PSMG2: variants seen among roughly 807,000 people sequenced by gnomAD.
PSMG2 encodes the protein CD40 ligand-activated specific transcript 3.
A neutral mutation model predicts 31.5 loss-of-function variants in PSMG2; 21 were observed. The ratio of observed to expected loss-of-function variants is 0.67; its 90% CI spans 0.47 to 0.96. PSMG2 has a LOEUF of 0.96. Among genes scored for constraint, PSMG2 ranks in the 40% least tolerant of loss-of-function variants. PSMG2 has a pLI of 0.00. For synonymous variants in PSMG2, 120 were observed against 110.4 expected, an observed-to-expected ratio of 1.09 and a Z score of -0.54; for missense variants, 318 against 321.2, an observed-to-expected ratio of 0.99 and a Z score of 0.08.
intron 1 of PSMG2, among the ~76,000 whole-genome samples, chr18:12,667,033 CCAAA>C (rs951726778): frequency 5.9e-5 from 9 of 151,296 alleles, no homozygotes; most frequent in East Asian, 1.9e-4. Flanking sequence ...ACAACAACAA[CCAAA>C]CAAAAATAAG....
chr18:12,697,386 A>G, intron 1 of PSMG2: 1 of 1,610,938 alleles, frequency 6.2e-7, no homozygotes. Context: ...TTGTTGTTGA[A>G]TCAGCCATTC....
chr18:12,723,684 G>A (rs565312518), intron 5 of PSMG2, among the ~76,000 whole-genome samples: 5 of 152,082 alleles, frequency 3.3e-5, no homozygotes, highest in Non-Finnish European at 7.4e-5. Flanking sequence ...GAGCCAGCGC[G>A]CCCAGCCTGT....
At chr18:12,696,346 T>C (rs2039957223) in intron 1 of PSMG2, among the ~76,000 whole-genome samples, 1 of 151,950 alleles carries the variant, frequency 6.6e-6, no homozygotes, top group East Asian at 1.9e-4. Flanking sequence ...CTACTAAAAA[T>C]ACAAAAATTA....
chr18:12,708,574 G>A (rs2040293198), intron 2 of PSMG2, among the ~76,000 whole-genome samples: 1 of 151,808 alleles, frequency 6.6e-6, no homozygotes, highest in South Asian at 2.1e-4. Flanking sequence ...ATGTTGGTCA[G>A]GCTGGTCTTG....
intron 3 of PSMG2, among the ~76,000 whole-genome samples, chr18:12,716,380 T>A (rs1002186861): frequency 1.3e-5 from 2 of 151,188 alleles, no homozygotes; most frequent in South Asian, 4.2e-4. Context: ...CAGCTGGAAG[T>A]AAAGAGTGAA....
At chr18:12,678,078 A>G in intron 1 of PSMG2, 1 of 1,539,616 alleles carries the variant, frequency 6.5e-7, no homozygotes, top group Non-Finnish European at 8.9e-7. Context: ...GAAAAGAAGT[A>G]TGAAACTACA....
Position 12,725,708 on chromosome 18 carries a change from AT to A in PSMG2, c.*181del. 2.3e-6 allele frequency: 1 copy of A among 434,626 alleles called. No individual in the cohort carries two copies. The highest frequency in any genetic ancestry group is 4.0e-6 in the Non-Finnish European group (1 of 248,956). The allele number at this position is 434,626 out of a possible 1,614,324, so 26.9% of individuals were successfully genotyped here. On this transcript the variant is annotated 3_prime_UTR_variant, in exon 7 of 7. Transcript: ENST00000317615. ...TTTTCATCATATGCACCAAATGTAA[AT>A]TTTGTACAATAAAATTTTATTTCCT...
intron 1 of PSMG2, among the ~76,000 whole-genome samples, chr18:12,696,152 G>T (rs1163315186): frequency 6.6e-6 from 1 of 152,040 alleles, no homozygotes; most frequent in African/African-American, 2.4e-5. Flanking sequence ...CTTACATAAA[G>T]GACACTTTTT....
chr18:12,699,236 G>A (rs1364008081), upstream of PSMG2: 1 of 1,387,564 alleles, frequency 7.2e-7, no homozygotes, highest in African/African-American at 1.4e-5. Flanking sequence ...TGAGGAAACT[G>A]CCAAATAACT....
upstream of PSMG2, chr18:12,702,285 C>T (rs893324168): frequency 5.5e-6 from 3 of 550,402 alleles, no homozygotes; most frequent in East Asian, 6.6e-5. Context: ...CTTGCTAGCA[C>T]CTGCTCGGCT....
At chr18:12,677,911 A>G (rs1286440689) in intron 1 of PSMG2, among the ~76,000 whole-genome samples, 1 of 152,208 alleles carries the variant, frequency 6.6e-6, no homozygotes, top group Non-Finnish European at 1.5e-5. Flanking sequence ...TTCTATAAGT[A>G]TTAATTAATT....
At chr18:12,698,286 T>C (rs968254821), upstream of PSMG2, among the ~76,000 whole-genome samples, 1 of 152,022 alleles carries the variant, frequency 6.6e-6, no homozygotes, top group Admixed American at 6.6e-5. Flanking sequence ...TGGAGTGCAA[T>C]GGGGTGATCT....
At chr18:12,721,707 CTCTATTAT>C (rs935705664) in intron 5 of PSMG2, among the ~76,000 whole-genome samples, 7 of 150,574 alleles carry the variant, frequency 4.6e-5, no homozygotes, top group Non-Finnish European at 1.0e-4. Context: ...TTTTTCTATT[CTCTATTAT>C]TCTATTATTC....
At chr18:12,687,478 CAG>C (rs1376245756) in intron 1 of PSMG2, among the ~76,000 whole-genome samples, 2 of 139,192 alleles carry the variant, frequency 1.4e-5, no homozygotes, top group South Asian at 2.3e-4. Context: ...TTTTTTGAGA[CAG>C]AGTCTCGCTG....
intron 2 of PSMG2, among the ~76,000 whole-genome samples, chr18:12,711,357 C>T (rs535260142): frequency 6.6e-6 from 1 of 152,306 alleles, no homozygotes; most frequent in Non-Finnish European, 1.5e-5. Context: ...AAAGCTTAGC[C>T]TGTCCACCCC....
chr18:12,678,753 C>T (rs1459039557), intron 1 of PSMG2, among the ~76,000 whole-genome samples: 1 of 151,906 alleles, frequency 6.6e-6, no homozygotes. Context: ...GTCAAGAGTT[C>T]GAGACTAACC....
upstream of PSMG2, chr18:12,701,197 C>T (rs890206269): frequency 4.3e-6 from 4 of 937,720 alleles, no homozygotes; most frequent in African/African-American, 3.3e-5. Context: ...CTCCAGCTAA[C>T]AGTAAATGCA....
At chr18:12,717,831 GACC>G (rs1224489321) in intron 3 of PSMG2, among the ~76,000 whole-genome samples, 1 of 152,048 alleles carries the variant, frequency 6.6e-6, no homozygotes, top group Non-Finnish European at 1.5e-5. Flanking sequence ...GTTTCCATGT[GACC>G]AGATTCGGGT....
upstream of PSMG2, chr18:12,699,197 A>G (rs763465512): frequency 1.6e-5 from 26 of 1,609,080 alleles, no homozygotes; most frequent in Admixed American, 1.2e-4. Context: ...TGTTGGATCA[A>G]TATTAGCTGT....
Sources: gnomAD v4.1 joint callset for allele counts (sites outside exome capture counted in the v4.1 genomes callset) on GRCh38, gnomAD v4.1.1 for gene constraint, MANE v1.5 for transcripts, NCBI Gene and HGNC (gene_info 2026-07-23, HGNC 2026-07-21) for gene names.